ADAMTSL1: variants seen among roughly 807,000 people sequenced by gnomAD.
ADAMTSL1 encodes ADAMTS-like protein 1.
A neutral mutation model predicts 201.8 loss-of-function variants in ADAMTSL1; 126 were observed. The observed-to-expected ratio is 0.62, with a 90% CI of 0.54 to 0.72. The LOEUF is 0.72. Ranked by LOEUF, ADAMTSL1 falls within the 30% of genes least tolerant of loss-of-function variation. The probability of loss-of-function intolerance (pLI) is 0.00; values close to 1 mark genes in which losing one functional copy is unlikely to be tolerated. For missense variants in ADAMTSL1, 2,679 were observed against 2,277.8 expected, an observed-to-expected ratio of 1.18 and a Z score of -3.59; for synonymous variants, 1,121 against 903.4, an observed-to-expected ratio of 1.24 and a Z score of -4.32.
At chr9:18,107,918 A>G (rs369404672) in intron 1 of ADAMTSL1, among the ~76,000 whole-genome samples, 5 of 152,278 alleles carry the variant, frequency 3.3e-5, no homozygotes, top group African/African-American at 1.2e-4. Context: ...CCTCCAGCAC[A>G]GTTTCCTGCC....
intron 1 of ADAMTSL1, among the ~76,000 whole-genome samples, chr9:18,066,977 G>C (rs1217768374): frequency 6.6e-6 from 1 of 152,080 alleles, no homozygotes; most frequent in Non-Finnish European, 1.5e-5. Flanking sequence ...TCACACTCTG[G>C]GGACTGTTGT....
intron 1 of ADAMTSL1, among the ~76,000 whole-genome samples, chr9:18,008,554 C>T (rs779312605): frequency 2.0e-5 from 3 of 151,916 alleles, no homozygotes; most frequent in Non-Finnish European, 4.4e-5. Flanking sequence ...ACAAATTACT[C>T]ATGCAGAAGG....
chr9:18,684,857 C>G (rs1040469685), intron 13 of ADAMTSL1, 57 bp downstream of exon 13: 1 of 1,550,526 alleles, frequency 6.4e-7, no homozygotes, highest in Non-Finnish European at 8.7e-7. Context: ...TTAAAGAAAG[C>G]AGTGTCTCAC....
chr9:18,460,820 C>T (rs1355980663), intron 2 of ADAMTSL1, among the ~76,000 whole-genome samples: 1 of 152,164 alleles, frequency 6.6e-6, no homozygotes, highest in Non-Finnish European at 1.5e-5. Flanking sequence ...ATGACATCCT[C>T]TCTGTATAAT....
At chr9:18,618,559 C>A (rs1249792964) in intron 4 of ADAMTSL1, among the ~76,000 whole-genome samples, 17 of 147,802 alleles carry the variant, frequency 1.2e-4, no homozygotes, top group African/African-American at 4.0e-4. Context: ...GTGGCTTAGA[C>A]ACATAAAAGA....
At chr9:18,883,576 C>G (rs1410297756) in intron 23 of ADAMTSL1, among the ~76,000 whole-genome samples, 3 of 152,220 alleles carry the variant, frequency 2.0e-5, no homozygotes, top group Non-Finnish European at 4.4e-5. Flanking sequence ...CTCCTCCTCC[C>G]TCCCTTCTCC....
intron 1 of ADAMTSL1, among the ~76,000 whole-genome samples, chr9:17,982,822 A>T (rs1818763910): frequency 6.6e-6 from 1 of 152,046 alleles, no homozygotes; most frequent in Admixed American, 6.5e-5. Flanking sequence ...CCATCAGAAT[A>T]AGCAGTCTCA....
intron 2 of ADAMTSL1, among the ~76,000 whole-genome samples, chr9:18,369,416 A>C (rs111742619): frequency 3.9e-5 from 6 of 152,362 alleles, no homozygotes; most frequent in African/African-American, 1.2e-4. Flanking sequence ...TGCAAATTAA[A>C]ACCACAATGA....
At chr9:18,029,262 G>T (rs1003868440) in intron 1 of ADAMTSL1, among the ~76,000 whole-genome samples, 9 of 151,892 alleles carry the variant, frequency 5.9e-5, no homozygotes, top group Non-Finnish European at 1.3e-4. Context: ...TCCTTCTCCT[G>T]CCTCATTGCC....
chr9:18,887,191 G>T (rs1828952073), intron 23 of ADAMTSL1, among the ~76,000 whole-genome samples: 2 of 152,214 alleles, frequency 1.3e-5, no homozygotes, highest in African/African-American at 4.8e-5. Context: ...ATGCTACAAA[G>T]TCTTGGGTAG....
intron 2 of ADAMTSL1, among the ~76,000 whole-genome samples, chr9:18,283,927 AAAAG>A (rs964621200): frequency 5.1e-5 from 7 of 136,170 alleles, no homozygotes; most frequent in South Asian, 2.4e-4. Flanking sequence ...AAAAAAAAAA[AAAAG>A]AAGAAGAAGA....
At chr9:18,151,082 G>A (rs1245690852) in intron 1 of ADAMTSL1, among the ~76,000 whole-genome samples, 2 of 152,060 alleles carry the variant, frequency 1.3e-5, no homozygotes, top group East Asian at 1.9e-4. Context: ...ATGTGTTATG[G>A]TGGCTTCTGT....
intron 2 of ADAMTSL1, among the ~76,000 whole-genome samples, chr9:18,403,697 A>G (rs986991986): frequency 2.0e-5 from 3 of 152,118 alleles, no homozygotes; most frequent in Admixed American, 1.3e-4. Flanking sequence ...GATAGGTACA[A>G]TTTGTCTTTC....
intron 2 of ADAMTSL1, among the ~76,000 whole-genome samples, chr9:18,405,591 T>C (rs919897479): frequency 2.0e-5 from 3 of 150,736 alleles, no homozygotes; most frequent in Non-Finnish European, 4.4e-5. Context: ...GCAAGTTTTC[T>C]CTTTGGAGAG....
chr9:18,648,985 T>C (rs1828011112), intron 7 of ADAMTSL1, among the ~76,000 whole-genome samples: 1 of 152,190 alleles, frequency 6.6e-6, no homozygotes, highest in African/African-American at 2.4e-5. Flanking sequence ...CAGAGTGTTT[T>C]CCAACTTGGT....
At chr9:18,567,241 G>A (rs1245210549) in intron 3 of ADAMTSL1, among the ~76,000 whole-genome samples, 4 of 152,076 alleles carry the variant, frequency 2.6e-5, no homozygotes, top group Non-Finnish European at 5.9e-5. Context: ...GAGGCAGGTG[G>A]ATCTCTTGAG....
rs745760282 is a variant in ADAMTSL1 at position 17,958,571 on chromosome 9, C to A, written c.87+51649C>A. Among the ~76,000 whole-genome samples, 31 of 152,134 alleles carry A rather than the reference C, an allele frequency of 2.0e-4. 1 individual carries two copies. The highest frequency in any genetic ancestry group is 4.1e-4 in the Non-Finnish European group (28 of 68,016). On this transcript the variant is annotated intron_variant, in intron 1 of 29. Coordinates refer to the ADAMTSL1 transcript ENST00000680146. ...TTAATTGGGCATTGGACAAAATGTT[C>A]TTTTCCTCTATTTGTCTTTAATTAC...
intron 1 of ADAMTSL1, among the ~76,000 whole-genome samples, chr9:18,137,817 G>A (rs1826223600): frequency 6.6e-6 from 1 of 152,132 alleles, no homozygotes; most frequent in African/African-American, 2.4e-5. Context: ...GTATTCTAGG[G>A]TGCTAAGAAT....
At chr9:18,303,473 T>C (rs1203346986) in intron 2 of ADAMTSL1, among the ~76,000 whole-genome samples, 1 of 152,108 alleles carries the variant, frequency 6.6e-6, no homozygotes, top group East Asian at 1.9e-4. Flanking sequence ...GCACAGGCAG[T>C]GATGGTTCAC....
Sources: allele counts gnomAD v4.1 joint callset (sites outside exome capture counted in the v4.1 genomes callset), GRCh38; gene constraint gnomAD v4.1.1; transcripts MANE v1.5; gene names NCBI Gene and HGNC (gene_info 2026-07-23, HGNC 2026-07-21).